Variants in UNC13C observed in about 807,000 individuals in gnomAD.
The protein encoded by UNC13C is protein unc-13 homolog C.
In UNC13C, 174 loss-of-function variants were observed where a neutral mutation model predicts 245.4. That is an observed-to-expected ratio of 0.71 (90% CI 0.63 to 0.80). The LOEUF is 0.80. UNC13C is among the 30% of genes least tolerant of loss of function. The pLI is 0.00. For missense variants in UNC13C, 2,829 were observed against 2,602.9 expected (o/e 1.09, Z -1.89); for synonymous variants, 992 against 895.1 (o/e 1.11, Z -1.93).
the UNC13C span, among the ~76,000 whole-genome samples, chr15:53,862,649 A>G: frequency 6.6e-6 from 1 of 152,152 alleles, no homozygotes; most frequent in Non-Finnish European, 1.5e-5. Context: ...TCAAAATTAT[A>G]GTAAAAGGTT....
chr15:54,527,170 T>C (rs1379791705), intron 25 of UNC13C, among the ~76,000 whole-genome samples: 1 of 152,192 alleles, frequency 6.6e-6, no homozygotes, highest in Non-Finnish European at 1.5e-5. Context: ...AATTTCAAGG[T>C]TCTGTTTACC....
chr15:54,445,163 G>C (rs1890738639), intron 19 of UNC13C, among the ~76,000 whole-genome samples: 1 of 152,046 alleles, frequency 6.6e-6, no homozygotes, highest in African/African-American at 2.4e-5. Flanking sequence ...TTTTATGGCT[G>C]CATAGTATTC....
chr15:54,285,953 A>G (rs542801793), intron 10 of UNC13C, among the ~76,000 whole-genome samples: 13 of 152,004 alleles, frequency 8.6e-5, no homozygotes, highest in East Asian at 7.8e-4. Flanking sequence ...TCTCAGTTCA[A>G]TGCAACCTCC....
chr15:54,405,979 A>G (rs1419642346), intron 18 of UNC13C, among the ~76,000 whole-genome samples: 2 of 99,178 alleles, frequency 2.0e-5, no homozygotes, highest in East Asian at 3.1e-4. Flanking sequence ...AAGAGATGCT[A>G]TGTTGAGAGA....
intron 17 of UNC13C, among the ~76,000 whole-genome samples, chr15:54,346,595 C>A (rs1336563904): frequency 6.6e-6 from 1 of 152,120 alleles, no homozygotes; most frequent in Non-Finnish European, 1.5e-5. Context: ...AAATAAAATG[C>A]TTAGAATAAG....
At chr15:54,264,091 C>G in intron 8 of UNC13C, 77 bp from the exon 9 acceptor site, 1 of 1,421,018 alleles carries the variant, frequency 7.0e-7, no homozygotes, top group Admixed American at 2.0e-5. Context: ...TCACTTCCTC[C>G]TCCTTTTCCT....
At chr15:54,236,008 C>A (rs1596058869) in intron 5 of UNC13C, among the ~76,000 whole-genome samples, 1 of 131,992 alleles carries the variant, frequency 7.6e-6, no homozygotes, top group African/African-American at 3.1e-5. Context: ...CCATGGCCTA[C>A]ATTAGATTGT....
At chr15:54,005,701 A>G (rs1166725660) in intron 1 of UNC13C, among the ~76,000 whole-genome samples, 1 of 152,212 alleles carries the variant, frequency 6.6e-6, no homozygotes, top group Non-Finnish European at 1.5e-5. Context: ...ACTTTTGTGG[A>G]AAACATGAGT....
At chr15:54,220,520 A>G (rs996183982) in intron 4 of UNC13C, among the ~76,000 whole-genome samples, 46 of 151,714 alleles carry the variant, frequency 3.0e-4, no homozygotes, top group South Asian at 4.2e-4. Flanking sequence ...TGGGTGCAGC[A>G]CACCAGCATG....
intron 1 of UNC13C, among the ~76,000 whole-genome samples, chr15:53,986,102 A>G (rs16973935): frequency 0.07 from 10,605 of 152,136 alleles, 1,046 homozygotes; most frequent in African/African-American, 0.22. Context: ...GGAAATTCTT[A>G]GAGCATCTAT....
At chr15:54,203,192 G>C (rs1382033826) in intron 4 of UNC13C, among the ~76,000 whole-genome samples, 1 of 151,804 alleles carries the variant, frequency 6.6e-6, no homozygotes, top group Non-Finnish European at 1.5e-5. Context: ...TGTTGGTGGG[G>C]ATGCAGTGAA....
At chr15:54,412,310 C>T (rs1384326567) in intron 18 of UNC13C, among the ~76,000 whole-genome samples, 2 of 152,088 alleles carry the variant, frequency 1.3e-5, no homozygotes, top group African/African-American at 4.8e-5. Context: ...GAAACATAAT[C>T]ATGGTTGAAG....
the UNC13C span, among the ~76,000 whole-genome samples, chr15:53,852,237 C>T: frequency 2.0e-5 from 3 of 152,170 alleles, no homozygotes; most frequent in Non-Finnish European, 4.4e-5. Context: ...AACCCCCACA[C>T]ATTTGGTCAC....
In UNC13C at chr15:54,414,836, T is replaced by TA. The variant is rs201119345; in HGVS notation, c.4848-145dup. ...AGTGTGTAACATTTTTTTTTTTACTTACGAAAGTTCATAAAGAGAAATGTC... is the reference window on the plus strand; with the variant it reads ...AGTGTGTAACATTTTTTTTTTTACTTAACGAAAGTTCATAAAGAGAAATGTC... On this transcript the variant is annotated intron_variant, in intron 18 of 32. Transcript: ENST00000260323. 1,142 of 515,636 alleles carry TA rather than the reference T, an allele frequency of 2.2e-3. 28 individuals are homozygous for TA. In the East Asian group the frequency reaches 0.034, roughly 15 times the overall value. 31.9% of individuals were successfully genotyped at this position (515,636 alleles called of 1,614,324 possible). A position where few individuals can be genotyped will look rare whatever the true frequency, so the allele number is the denominator to read the frequency against.
At chr15:54,032,090 T>C (rs751950663) in intron 2 of UNC13C, among the ~76,000 whole-genome samples, 29 of 152,220 alleles carry the variant, frequency 1.9e-4, no homozygotes, top group Non-Finnish European at 8.8e-5. Flanking sequence ...AGGATGATTA[T>C]AGAATGAGGA....
chr15:53,914,630 G>C, the UNC13C span: 1 of 152,416 alleles, frequency 6.6e-6, no homozygotes, highest in African/African-American at 2.4e-5. Context: ...GCAGACAGCC[G>C]AGACACAGGC....
chr15:54,150,981 T>C (rs1190466586), intron 4 of UNC13C, among the ~76,000 whole-genome samples: 1 of 152,216 alleles, frequency 6.6e-6, no homozygotes, highest in Non-Finnish European at 1.5e-5. Context: ...GCTGTCATCC[T>C]GAAGCTGCTA....
chr15:54,433,941 G>C (rs2040925928), intron 19 of UNC13C, among the ~76,000 whole-genome samples: 1 of 151,924 alleles, frequency 6.6e-6, no homozygotes, highest in African/African-American at 2.4e-5. Context: ...ACCAATAATA[G>C]ACAAGTAGAG....
chr15:54,042,865 GAAAAAGAAA>G (rs928281527), intron 2 of UNC13C, among the ~76,000 whole-genome samples: 11 of 54,288 alleles, frequency 2.0e-4, no homozygotes, highest in African/African-American at 3.7e-4. Context: ...AAAAGAAAAA[GAAAAAGAAA>G]AAGAAACCAC....
Sources: allele counts gnomAD v4.1 joint callset (sites outside exome capture counted in the v4.1 genomes callset), GRCh38; gene constraint gnomAD v4.1.1; transcripts MANE v1.5; gene names NCBI Gene and HGNC (gene_info 2026-07-23, HGNC 2026-07-21).